Variants in MTA3 observed in about 807,000 individuals in gnomAD.
MTA3 encodes metastasis associated 1 family member 3, also known as metastasis-associated protein MTA3.
In MTA3, 34 loss-of-function variants were observed where a neutral mutation model predicts 83.5. That is an observed-to-expected ratio of 0.41 (90% CI 0.31 to 0.54). The LOEUF (loss-of-function observed/expected upper bound fraction) is 0.54. MTA3 is among the 20% of genes least tolerant of loss of function. MTA3 has a pLI of 0.33. For synonymous variants in MTA3, 303 were observed against 252.7 expected (o/e 1.20, Z -1.89); for missense variants, 761 against 726.4 (o/e 1.05, Z -0.55).
intron 16 of MTA3, among the ~76,000 whole-genome samples, chr2:42,746,298 C>T (rs533885519): frequency 2.8e-4 from 43 of 152,170 alleles, no homozygotes; most frequent in African/African-American, 1.0e-3. Context: ...AGATGTTGTT[C>T]GAGCACAGAT....
intron 2 of MTA3, among the ~76,000 whole-genome samples, chr2:42,499,665 G>A (rs1447341768): frequency 6.6e-6 from 1 of 151,418 alleles, no homozygotes; most frequent in African/African-American, 2.4e-5. Flanking sequence ...ATGCATGCCT[G>A]TAATCCCAGC....
At chr2:42,542,698 C>A (rs751701423) in intron 2 of MTA3, among the ~76,000 whole-genome samples, 1 of 151,832 alleles carries the variant, frequency 6.6e-6, no homozygotes, top group Non-Finnish European at 1.5e-5. Context: ...ATTACAGGTG[C>A]CTGCCACCTC....
At chr2:42,501,622 G>A (rs777437211) in intron 2 of MTA3, among the ~76,000 whole-genome samples, 2 of 152,144 alleles carry the variant, frequency 1.3e-5, no homozygotes, top group Non-Finnish European at 2.9e-5. Context: ...ATTGCAGCGA[G>A]ACAAAGTGAG....
chr2:42,707,964 A>G lies in MTA3; in HGVS notation c.1212A>G (p.Ala404=). 6.2e-7 allele frequency: 1 copy of G among 1,611,602 alleles called. No individual in the cohort carries two copies. Residue 404 remains alanine (A), a synonymous_variant, in exon 13 of 17, where the codon GCA becomes GCG. Transcript: ENST00000405094. ...GPPNMQCRLC[A]ICWLYWKKYG... ...CTAATATGCAGTGTAGATTATGTGC[A>G]ATTTGTTGGCTTTATTGGAAAAAAT... is the stretch of plus-strand genomic sequence containing the variant.
intron 2 of MTA3, among the ~76,000 whole-genome samples, chr2:42,548,831 TATATATATATATATAATATATATATATAA>T (rs1676897798): frequency 1.2e-4 from 1 of 8,534 alleles, no homozygotes; most frequent in African/African-American, 4.0e-4. Context: ...ATATATATAA[TATATATATATATATAATATATATATATAA>T]TATATATATA....
intron 6 of MTA3, among the ~76,000 whole-genome samples, chr2:42,651,077 G>A (rs1688672944): frequency 6.6e-6 from 1 of 152,172 alleles, no homozygotes; most frequent in African/African-American, 2.4e-5. Flanking sequence ...TTACTATACT[G>A]AATACTGTAG....
At chr2:42,594,699 A>AT (rs1681490263) in intron 3 of MTA3, among the ~76,000 whole-genome samples, 2 of 74,546 alleles carry the variant, frequency 2.7e-5, no homozygotes, top group East Asian at 3.2e-4. Flanking sequence ...TACATATATA[A>AT]ATATACATAT....
In MTA3 at chr2:42,704,195, A is replaced by C; in HGVS notation, c.1027A>C (p.Ser343Arg). ...ACCTTATTTTAATTTCATTGAAAGC[A>C]GCAAACCAAATCCCAACCAAATATC... ...KLKQVYIPTYSKPNPNQISTS... is the reference protein window; with the variant it reads ...KLKQVYIPTYRKPNPNQISTS... The change falls in exon 12 of 17, where the codon AGC becomes CGC. Residue 343 changes from serine (S) to arginine (R), a missense_variant and splice_region_variant. Transcript: ENST00000405094. 6.2e-7 allele frequency: 1 copy of C among 1,613,774 alleles called. No individual in the cohort carries two copies. The highest frequency in any genetic ancestry group is 8.5e-7 in the Non-Finnish European group (1 of 1,179,760).
chr2:42,524,320 A>T (rs1328455590), intron 2 of MTA3, among the ~76,000 whole-genome samples: 3 of 149,782 alleles, frequency 2.0e-5, no homozygotes, highest in African/African-American at 7.4e-5. Context: ...TTTTTTTTTT[A>T]AATGGAGTCT....
At chr2:42,594,508 GA>G (rs1044298087) in intron 3 of MTA3, among the ~76,000 whole-genome samples, 4 of 150,290 alleles carry the variant, frequency 2.7e-5, no homozygotes, top group African/African-American at 9.8e-5. Flanking sequence ...AAAGTGCCGG[GA>G]TTACAGGTGG....
At chr2:42,706,188 A>G (rs1307971407) in intron 12 of MTA3, among the ~76,000 whole-genome samples, 3 of 152,124 alleles carry the variant, frequency 2.0e-5, no homozygotes, top group East Asian at 1.9e-4. Flanking sequence ...TGACGAGTTA[A>G]TGGGTGCAGC....
chr2:42,683,615 A>G (rs780705309), intron 9 of MTA3, among the ~76,000 whole-genome samples: 1 of 152,192 alleles, frequency 6.6e-6, no homozygotes, highest in Non-Finnish European at 1.5e-5. Context: ...CTGCAACTAG[A>G]CAGTCCCATC....
At chr2:42,592,458 C>T (rs564301203) in intron 3 of MTA3, among the ~76,000 whole-genome samples, 12 of 152,082 alleles carry the variant, frequency 7.9e-5, no homozygotes, top group Non-Finnish European at 1.3e-4. Context: ...GTGGCATGCA[C>T]GTGTGGTCCC....
At chr2:42,495,426 A>T (rs1674087161) in intron 2 of MTA3, among the ~76,000 whole-genome samples, 1 of 152,172 alleles carries the variant, frequency 6.6e-6, no homozygotes, top group South Asian at 2.1e-4. Context: ...ATAGTTTGCT[A>T]TTCAGTATCT....
intron 2 of MTA3, among the ~76,000 whole-genome samples, chr2:42,518,841 C>T (rs1184745357): frequency 6.6e-6 from 1 of 151,978 alleles, no homozygotes; most frequent in Non-Finnish European, 1.5e-5. Context: ...TGGGGCGAGC[C>T]TGTCGCCCCA....
At chr2:42,607,219 A>C (rs549705989) in intron 3 of MTA3, among the ~76,000 whole-genome samples, 31 of 152,242 alleles carry the variant, frequency 2.0e-4, no homozygotes, top group African/African-American at 7.5e-4. Context: ...CATTGTTCTC[A>C]AGGGATGCAG....
At chr2:42,601,197 C>T (rs933910207) in intron 3 of MTA3, among the ~76,000 whole-genome samples, 1 of 152,146 alleles carries the variant, frequency 6.6e-6, no homozygotes, top group South Asian at 2.1e-4. Flanking sequence ...AGTCACCATC[C>T]CTGACCCATT....
chr2:42,644,776 A>C (rs527672271), intron 6 of MTA3, among the ~76,000 whole-genome samples: 6 of 152,164 alleles, frequency 3.9e-5, no homozygotes, highest in African/African-American at 1.4e-4. Flanking sequence ...AACTATTGTA[A>C]TTGTTTTTGG....
At chr2:42,665,558 G>A (rs1343408644) in intron 8 of MTA3, among the ~76,000 whole-genome samples, 1 of 152,070 alleles carries the variant, frequency 6.6e-6, no homozygotes, top group Non-Finnish European at 1.5e-5. Flanking sequence ...CTGTTTGGTG[G>A]TGTTGGCCAG....
Sources: allele counts gnomAD v4.1 joint callset (sites outside exome capture counted in the v4.1 genomes callset), GRCh38; gene constraint gnomAD v4.1.1; transcripts MANE v1.5; gene names NCBI Gene and HGNC (gene_info 2026-07-23, HGNC 2026-07-21).